The following ACOX1 variants were observed in gnomAD, a reference collection of about 807,000 sequenced individuals.
The protein encoded by ACOX1 is acyl-CoA oxidase 1, also known as peroxisomal acyl-coenzyme A oxidase 1.
Under a neutral mutation model 75.5 loss-of-function variants are expected in ACOX1, and 41 were observed. That is an observed-to-expected ratio of 0.54 (90% CI 0.42 to 0.70). The LOEUF (loss-of-function observed/expected upper bound fraction) is 0.70. Among genes scored for constraint, ACOX1 ranks in the 30% least tolerant of loss-of-function variants. ACOX1 has a pLI of 0.00. For missense variants in ACOX1, 630 were observed against 837.5 expected (o/e 0.75, Z 3.06); for synonymous variants, 303 against 298.8 (o/e 1.01, Z -0.15).
chr17:75,948,215 G>C, intron 13 of ACOX1, 36 bp downstream of exon 13: 1 of 1,605,782 alleles, frequency 6.2e-7, no homozygotes. Context: ...TTTAAGTGAA[G>C]ACTTTTAAAA....
At chr17:75,948,170 T>TA (rs2065738873) in intron 13 of ACOX1, 81 bp downstream of exon 13, 5 of 1,426,188 alleles carry the variant, frequency 3.5e-6, no homozygotes, top group Non-Finnish European at 4.9e-6. Context: ...CTTTCACAGA[T>TA]AAATCCCCTT....
intron 9 of ACOX1, 60 bp from the exon 10 acceptor site, chr17:75,949,957 T>A: frequency 6.3e-7 from 1 of 1,587,638 alleles, no homozygotes; most frequent in Non-Finnish European, 8.6e-7. Flanking sequence ...TCTTTTGAGA[T>A]GGAGTTTCAT....
rs1267860200 is a variant in ACOX1, at chr17:75,944,075, A to G, written c.*2673T>C. On this transcript the variant is annotated 3_prime_UTR_variant, in exon 14 of 14. Coordinates refer to ENST00000293217, the MANE Select transcript of ACOX1 (RefSeq NM_004035.7). ...GCAAAACCCCGTCTCTACAGAAAAA[A>G]TAGAACAAATTAGCTGGGCATGGTG... is the stretch of plus-strand genomic sequence containing the variant. The G allele has an allele frequency of 1.3e-5, 2 of 152,080 alleles. No homozygotes were observed. Among genetic ancestry groups the G allele is most frequent in the African/African-American group, 4.8e-5 (2 of 41,384 alleles). The allele number at this position is 152,080 out of a possible 1,614,324, so 9.4% of individuals were successfully genotyped here.
intron 3 of ACOX1, among the ~76,000 whole-genome samples, chr17:75,958,233 G>A (rs779021380): frequency 1.3e-5 from 2 of 149,958 alleles, no homozygotes; most frequent in Middle Eastern, 3.2e-3. Flanking sequence ...TGCGCCTGTA[G>A]TCCCAGCTAC....
intron 2 of ACOX1, among the ~76,000 whole-genome samples, chr17:75,968,276 A>G (rs904543118): frequency 1.3e-5 from 2 of 148,734 alleles, no homozygotes; most frequent in Non-Finnish European, 3.0e-5. Flanking sequence ...CTCTACTAAA[A>G]ATACAAAAAA....
Position 75,946,450 on chromosome 17 carries a change from C to A in ACOX1, c.*298G>T. 1 of 395,142 alleles carries A rather than the reference C, an allele frequency of 2.5e-6. No individual in the cohort carries two copies. Among genetic ancestry groups the A allele is most frequent in the South Asian group, 2.2e-5 (1 of 44,904 alleles). The allele number at this position is 395,142 out of a possible 1,614,324, so 24.5% of individuals were successfully genotyped here. On this transcript the variant is annotated 3_prime_UTR_variant, in exon 14 of 14. Coordinates refer to ENST00000293217, the MANE Select transcript of ACOX1 (RefSeq NM_004035.7). ...TAATCAACTACTCAGTAGTTAAATT[C>A]TGCTAATTATCAAAAGTCATAGTCT...
In ACOX1 at chr17:75,946,506, CAT is replaced by C; in HGVS notation, c.*240_*241del. ...GATCAGCAGCATTACAAAAGGAAGT[CAT>C]ATCGCATTTCTTAAGCTTTTTCTGA... On this transcript the variant is annotated 3_prime_UTR_variant, in exon 14 of 14. Transcript: ENST00000293217. The C allele has an allele frequency of 2.0e-6, 1 of 497,116 alleles. No individual in the cohort carries two copies. The highest frequency in any genetic ancestry group is 3.7e-6 in the Non-Finnish European group (1 of 272,478). The allele number at this position is 497,116 out of a possible 1,614,324, so 30.8% of individuals were successfully genotyped here. A position where few individuals can be genotyped will look rare whatever the true frequency, so the allele number is the denominator to read the frequency against.
chr17:75,967,707 CATATATATATACACAT>C lies in ACOX1; in HGVS notation c.270-7348_270-7333del, dbSNP rs1173158432. On this transcript the variant is annotated intron_variant, in intron 2 of 13. Coordinates refer to ENST00000293217, the MANE Select transcript of ACOX1 (RefSeq NM_004035.7). ...GTATATATATACATACATATATATA[CATATATATATACACAT>C]ATATATATATACACGTATATATATA... Among the ~76,000 whole-genome samples, 102 of 121,014 alleles carry C rather than the reference CATATATATATACACAT, an allele frequency of 8.4e-4. 1 individual carries two copies. Among genetic ancestry groups the C allele is most frequent in the African/African-American group, 3.2e-3 (98 of 30,654 alleles). 79.4% of individuals were successfully genotyped at this position (121,014 alleles called of 152,430 possible).
In ACOX1 at chr17:75,972,892, C is replaced by T. The variant is rs564048154; in HGVS notation, c.269+5642G>A. Among the ~76,000 whole-genome samples, 5 of 152,256 alleles carry T rather than the reference C, an allele frequency of 3.3e-5. No homozygotes were observed. In the South Asian group the frequency reaches 1.0e-3, roughly 32 times the overall value. ...TGATGTTTCCCTGATATCTGCATCC[C>T]TTTTTCTTTCCCTTTCTTTACTCCT... On this transcript the variant is annotated intron_variant, in intron 2 of 13. Coordinates refer to ENST00000293217, the MANE Select transcript of ACOX1 (RefSeq NM_004035.7).
At chr17:75,962,061 G>A (rs996173039) in intron 2 of ACOX1, among the ~76,000 whole-genome samples, 26 of 151,968 alleles carry the variant, frequency 1.7e-4, no homozygotes, top group African/African-American at 5.3e-4. Flanking sequence ...AACATCCAGC[G>A]TAGAACCATA....
chr17:75,957,584 A>C lies in ACOX1; in HGVS notation c.431-18T>G, dbSNP rs773219375. 1 of 1,598,452 alleles carries C rather than the reference A, an allele frequency of 6.3e-7. No homozygotes were observed. Among genetic ancestry groups the C allele is most frequent in the Non-Finnish European group, 8.6e-7 (1 of 1,165,904 alleles). On this transcript the variant is annotated intron_variant, in intron 3 of 13. Transcript: ENST00000293217. ...GTGAGTTCCTAAGGAGATAAATTAC[A>C]TTGACTTCAGTTAAGAGATGGGGAA...
chr17:75,966,223 C>T (rs2065930818), intron 2 of ACOX1, among the ~76,000 whole-genome samples: 1 of 151,648 alleles, frequency 6.6e-6, no homozygotes, highest in Admixed American at 6.6e-5. Flanking sequence ...CTTTGGGAGG[C>T]TGAGGTGGGT....
chr17:75,949,967 T>C, intron 9 of ACOX1, 70 bp from the exon 10 acceptor site: 1 of 1,559,816 alleles, frequency 6.4e-7, no homozygotes, highest in Non-Finnish European at 8.8e-7. Context: ...TGGAGTTTCA[T>C]TCTTGTTGCC....
Position 75,967,709 on chromosome 17 carries a change from TATATATATACAC to T in ACOX1, c.270-7346_270-7335del, listed in dbSNP as rs1421399361. Among the ~76,000 whole-genome samples, 56 of 135,464 alleles carry T rather than the reference TATATATATACAC, an allele frequency of 4.1e-4. 2 individuals carry two copies. The highest frequency in any genetic ancestry group is 8.0e-4 in the Non-Finnish European group (51 of 63,392). 88.9% of individuals were successfully genotyped at this position (135,464 alleles called of 152,430 possible). A position where few individuals can be genotyped will look rare whatever the true frequency, so the allele number is the denominator to read the frequency against. On this transcript the variant is annotated intron_variant, in intron 2 of 13. Transcript: ENST00000293217. ...ATATATATACATACATATATATACA[TATATATATACAC>T]ATATATATATATACACGTATATATA...
In ACOX1 at chr17:75,957,464, C is replaced by A; in HGVS notation, c.533G>T (p.Gly178Val). 1 of 1,613,382 alleles carries A rather than the reference C, an allele frequency of 6.2e-7. No individual in the cohort carries two copies. The highest frequency in any genetic ancestry group is 1.1e-5 in the South Asian group (1 of 91,070). The change falls in exon 4 of 14, where the codon GGT becomes GTT. Residue 178 changes from glycine to valine, a missense_variant. Transcript: ENST00000293217. ...PTVTSIKWWP[G>V]GLGKTSNHAI... ...ATGCTGAAAAATTCACTTACGCCCA[C>A]CAGGCCACCATTTAATGGAGGTCAC... is the stretch of plus-strand genomic sequence containing the variant.
chr17:75,945,250 G>A lies in ACOX1; in HGVS notation c.*1498C>T, dbSNP rs1487556488. The A allele has an allele frequency of 6.6e-6, 1 of 152,104 alleles. No homozygotes were observed. The highest frequency in any genetic ancestry group is 2.4e-5 in the African/African-American group (1 of 41,404). 9.4% of individuals were successfully genotyped at this position (152,104 alleles called of 1,614,324 possible). On this transcript the variant is annotated 3_prime_UTR_variant, in exon 14 of 14. Coordinates refer to ENST00000293217, the MANE Select transcript of ACOX1 (RefSeq NM_004035.7). ...TTTGAAACAATTCTACATCTAGCAG[G>A]TCAGTTTATCATTTTCCAGAATCTG...
chr17:75,947,248 GTT>G (rs55857840), intron 13 of ACOX1, among the ~76,000 whole-genome samples: 4 of 137,554 alleles, frequency 2.9e-5, no homozygotes, highest in Non-Finnish European at 1.6e-5. Context: ...TGATGTCTTA[GTT>G]TTTTTTTTTT....
At chr17:75,963,956 G>A (rs1057358246) in intron 2 of ACOX1, among the ~76,000 whole-genome samples, 1 of 151,630 alleles carries the variant, frequency 6.6e-6, no homozygotes, top group Non-Finnish European at 1.5e-5. Context: ...GGCCAAGGTG[G>A]GCGGATCACT....
chr17:75,949,944 G>A (rs8064334), intron 9 of ACOX1, 47 bp from the exon 10 acceptor site: 2 of 1,606,150 alleles, frequency 1.2e-6, no homozygotes, highest in Non-Finnish European at 1.7e-6. Flanking sequence ...ACTTTCTTTT[G>A]TTTCTTTTGA....
Sources: allele counts gnomAD v4.1 joint callset (sites outside exome capture counted in the v4.1 genomes callset), GRCh38; gene constraint gnomAD v4.1.1; transcripts MANE v1.5; gene names NCBI Gene and HGNC (gene_info 2026-07-23, HGNC 2026-07-21).